CTNNA2: variants seen among roughly 807,000 people sequenced by gnomAD.
The protein encoded by CTNNA2 is catenin alpha-2.
In CTNNA2, 42 loss-of-function variants were observed where a neutral mutation model predicts 101.0. That is an observed-to-expected ratio of 0.42 (90% CI 0.32 to 0.54). The LOEUF (loss-of-function observed/expected upper bound fraction) is 0.54, where lower values mean the gene tolerates loss of function less well. Ranked by LOEUF, CTNNA2 falls within the 20% of genes least tolerant of loss-of-function variation. CTNNA2 has a pLI of 0.14. For synonymous variants in CTNNA2, 450 were observed against 456.4 expected (o/e 0.99, Z 0.18); for missense variants, 871 against 1,223.1 (o/e 0.71, Z 4.29).
At chr2:80,257,733 A>G (rs1672286852) in intron 7 of CTNNA2, among the ~76,000 whole-genome samples, 1 of 152,218 alleles carries the variant, frequency 6.6e-6, no homozygotes, top group South Asian at 2.1e-4. Context: ...TCTGGTATAT[A>G]TTGCAACTCT....
At chr2:80,058,688 A>G (rs1048910970) in intron 7 of CTNNA2, among the ~76,000 whole-genome samples, 1 of 152,106 alleles carries the variant, frequency 6.6e-6, no homozygotes, top group African/African-American at 2.4e-5. Context: ...AGTGCCATAG[A>G]ACCTTAGACT....
At chr2:80,371,211 A>G (rs576036198) in intron 7 of CTNNA2, among the ~76,000 whole-genome samples, 34 of 152,302 alleles carry the variant, frequency 2.2e-4, no homozygotes, top group South Asian at 6.2e-4. Flanking sequence ...GATGCCATAT[A>G]TTGAGGTAGC....
intron 9 of CTNNA2, among the ~76,000 whole-genome samples, chr2:80,536,471 T>C (rs1416961717): frequency 6.6e-6 from 1 of 152,194 alleles, no homozygotes; most frequent in Non-Finnish European, 1.5e-5. Flanking sequence ...TAGTGTGTTC[T>C]TAAAACACCA....
chr2:80,489,134 G>C (rs926357961), intron 9 of CTNNA2, among the ~76,000 whole-genome samples: 1 of 152,110 alleles, frequency 6.6e-6, no homozygotes, highest in African/African-American at 2.4e-5. Flanking sequence ...CCATTTGAAT[G>C]AGGTGACAGC....
chr2:80,572,532 A>G (rs1241334912), intron 12 of CTNNA2: 1 of 152,184 alleles, frequency 6.6e-6, no homozygotes, highest in African/African-American at 2.4e-5. Context: ...AATATAACTC[A>G]GTTTAAGAAA....
intron 7 of CTNNA2, among the ~76,000 whole-genome samples, chr2:79,963,510 A>C (rs1456154690): frequency 6.6e-6 from 1 of 152,170 alleles, no homozygotes; most frequent in Non-Finnish European, 1.5e-5. Flanking sequence ...ACTGCATTCC[A>C]GATAGCCCAT....
chr2:80,367,686 G>A (rs1399070931), intron 7 of CTNNA2, among the ~76,000 whole-genome samples: 1 of 151,732 alleles, frequency 6.6e-6, no homozygotes, highest in Non-Finnish European at 1.5e-5. Flanking sequence ...TATCCTGCTT[G>A]TAATGGTGTG....
At chr2:79,489,353 G>T (rs1671188138) in intron 4 of CTNNA2, among the ~76,000 whole-genome samples, 1 of 152,118 alleles carries the variant, frequency 6.6e-6, no homozygotes, top group Non-Finnish European at 1.5e-5. Flanking sequence ...TGGGATTATA[G>T]TCAAAAGACT....
chr2:80,569,934 G>A (rs1052304747), intron 12 of CTNNA2, among the ~76,000 whole-genome samples: 5 of 151,974 alleles, frequency 3.3e-5, no homozygotes, highest in South Asian at 4.1e-4. Flanking sequence ...GAGCCAAGGC[G>A]CCTGGCCTAG....
intron 12 of CTNNA2, among the ~76,000 whole-genome samples, chr2:80,567,877 C>T (rs1207328139): frequency 1.3e-5 from 2 of 152,104 alleles, no homozygotes; most frequent in Non-Finnish European, 2.9e-5. Flanking sequence ...CCTTTCAATG[C>T]TCTTTTTTTT....
At chr2:80,348,439 C>T (rs769588944) in intron 7 of CTNNA2, among the ~76,000 whole-genome samples, 1 of 152,160 alleles carries the variant, frequency 6.6e-6, no homozygotes, top group East Asian at 1.9e-4. Flanking sequence ...CTTAAAGCAG[C>T]AAGAGCTGAG....
chr2:79,605,374 A>AC (rs1677817325), intron 1 of CTNNA2, among the ~76,000 whole-genome samples: 1 of 152,206 alleles, frequency 6.6e-6, no homozygotes, highest in African/African-American at 2.4e-5. Context: ...GCATAAAAAA[A>AC]ATTTTGAAGA....
At chr2:79,875,070 C>G (rs1682907961) in intron 6 of CTNNA2, among the ~76,000 whole-genome samples, 1 of 152,158 alleles carries the variant, frequency 6.6e-6, no homozygotes, top group Non-Finnish European at 1.5e-5. Flanking sequence ...TTCATTAGAA[C>G]AGACCCTCTG....
intron 7 of CTNNA2, among the ~76,000 whole-genome samples, chr2:80,294,352 G>A (rs1231014575): frequency 1.3e-5 from 2 of 152,106 alleles, no homozygotes; most frequent in African/African-American, 2.4e-5. Context: ...ATGCTTGCAC[G>A]TCTTTCTTCT....
intron 9 of CTNNA2, among the ~76,000 whole-genome samples, chr2:80,421,147 AGAG>A (rs1680492557): frequency 6.6e-6 from 1 of 152,162 alleles, no homozygotes; most frequent in South Asian, 2.1e-4. Context: ...AAGGGAAGAA[AGAG>A]GAGGAGGAAA....
intron 3 of CTNNA2, among the ~76,000 whole-genome samples, chr2:79,804,416 C>A (rs150548229): frequency 1.3e-5 from 2 of 152,008 alleles, no homozygotes; most frequent in African/African-American, 4.8e-5. Flanking sequence ...TTTTTTTGAG[C>A]AAAATGAAAA....
chr2:79,883,489 A>T (rs894661821), intron 6 of CTNNA2, among the ~76,000 whole-genome samples: 2 of 152,226 alleles, frequency 1.3e-5, no homozygotes, highest in Non-Finnish European at 2.9e-5. Context: ...ATAATTGATA[A>T]TCAATGGAAA....
chr2:80,646,914 A>G (rs2149872296), intron 18 of CTNNA2, among the ~76,000 whole-genome samples: 1 of 152,270 alleles, frequency 6.6e-6, no homozygotes, highest in Admixed American at 6.5e-5. Context: ...CCTATATTAT[A>G]GAGTTGTTAA....
At chr2:79,642,843 C>A (rs965489248) in intron 1 of CTNNA2, among the ~76,000 whole-genome samples, 1 of 151,380 alleles carries the variant, frequency 6.6e-6, no homozygotes, top group African/African-American at 2.4e-5. Context: ...CTCTCTTCAG[C>A]GCCAGAAAAT....
Sources: allele counts gnomAD v4.1 joint callset (sites outside exome capture counted in the v4.1 genomes callset), GRCh38; gene constraint gnomAD v4.1.1; transcripts MANE v1.5; gene names NCBI Gene and HGNC (gene_info 2026-07-23, HGNC 2026-07-21).